The following PDILT variants were observed in gnomAD, a reference collection of about 807,000 sequenced individuals.
PDILT encodes protein disulfide isomerase like, testis expressed, also known as protein disulfide-isomerase-like protein of the testis.
PDILT carries 43 observed loss-of-function variants against 53.7 expected under a neutral mutation model. That is an observed-to-expected ratio of 0.80 (90% CI 0.63 to 1.03). The LOEUF (loss-of-function observed/expected upper bound fraction) is 1.03, where lower values mean the gene tolerates loss of function less well. Ranked by LOEUF, PDILT falls within the 50% of genes least tolerant of loss-of-function variation. The probability of loss-of-function intolerance (pLI) is 0.00; values close to 1 mark genes in which losing one functional copy is unlikely to be tolerated. For missense variants in PDILT, 727 were observed against 712.3 expected (o/e 1.02, Z -0.24); for synonymous variants, 282 against 274.2 (o/e 1.03, Z -0.28).
At chr16:20,376,018 C>T in intron 4 of PDILT, 50 bp downstream of exon 4, 1 of 1,608,192 alleles carries the variant, frequency 6.2e-7, no homozygotes, top group Non-Finnish European at 8.5e-7. Context: ...CTCCCAGACA[C>T]AGCACTTCTC....
chr16:20,390,373 T>A (rs754964219), intron 2 of PDILT, among the ~76,000 whole-genome samples: 1 of 152,160 alleles, frequency 6.6e-6, no homozygotes, highest in Non-Finnish European at 1.5e-5. Flanking sequence ...GTATTTTTAC[T>A]CTCTGTTCCT....
chr16:20,372,671 G>C (rs2141713395), intron 7 of PDILT, 131 bp downstream of exon 7: 1 of 1,060,564 alleles, frequency 9.4e-7, no homozygotes, highest in East Asian at 2.4e-5. Flanking sequence ...TCAGAAAACT[G>C]ACAGGCAATT....
chr16:20,363,897 A>G (rs906149340), intron 9 of PDILT, among the ~76,000 whole-genome samples: 2 of 152,112 alleles, frequency 1.3e-5, no homozygotes, highest in South Asian at 2.1e-4. Flanking sequence ...CTCCAACCCA[A>G]GGGAAAGCAA....
At chr16:20,389,735 C>T (rs1966585916) in intron 2 of PDILT, among the ~76,000 whole-genome samples, 1 of 152,028 alleles carries the variant, frequency 6.6e-6, no homozygotes, top group South Asian at 2.1e-4. Flanking sequence ...AGTAGAAAAC[C>T]CCAGGTTTCC....
chr16:20,378,992 G>C lies in PDILT; in HGVS notation c.410-2791C>G, dbSNP rs367652725. Among the ~76,000 whole-genome samples, 9 of 151,384 alleles carry C rather than the reference G, an allele frequency of 5.9e-5. No homozygotes were observed. The East Asian group carries it at 9.7e-4, about 16-fold the overall frequency. ...CTTATTTGTCCATTCTCTGCTAATG[G>C]GCATTTAGTTGCTCTCATTTTAGGG... On this transcript the variant is annotated intron_variant, in intron 3 of 11. Coordinates refer to ENST00000302451, the MANE Select transcript of PDILT (RefSeq NM_174924.2).
intron 7 of PDILT, among the ~76,000 whole-genome samples, chr16:20,370,681 C>T (rs539765550): frequency 3.3e-4 from 50 of 152,218 alleles, no homozygotes; most frequent in East Asian, 1.2e-3. Flanking sequence ...CTTTCCCAGA[C>T]GATTTAGGTA....
At position 20,380,393 on chromosome 16, in the gene PDILT, G is replaced by A. The variant is rs186573174; in HGVS notation, c.410-4192C>T. ...CACTCTGTTGCCCAGGCTGGAGTGC[G>A]GTGGTGTGATCTCAGTTCACTGCAA... On this transcript the variant is annotated intron_variant, in intron 3 of 11. Transcript: ENST00000302451. Among the ~76,000 whole-genome samples the A allele has an allele frequency of 2.0e-3, 310 of 151,350 alleles. 1 individual carries two copies. Among genetic ancestry groups the A allele is most frequent in the African/African-American group, 7.0e-3 (288 of 41,214 alleles).
In PDILT at chr16:20,359,503, G is replaced by GGCAC. The variant is rs1966066725; in HGVS notation, c.1567_1570dup (p.Pro524ArgfsTer10). On this transcript the variant is annotated frameshift_variant, in exon 12 of 12. Transcript: ENST00000302451. LOFTEE classifies it low-confidence loss of function (END_TRUNC). ...TTCAGGTAACCCTTTCCTCATCATA[G>GGCAC]GCACCTCCTTTTCCTCAGCTAGCAC... 6.2e-7 allele frequency: 1 copy of GGCAC among 1,613,980 alleles called. No homozygotes were observed. The highest frequency in any genetic ancestry group is 2.2e-5 in the East Asian group (1 of 44,876).
At chr16:20,371,263 G>A (rs963015912) in intron 7 of PDILT, among the ~76,000 whole-genome samples, 2 of 152,138 alleles carry the variant, frequency 1.3e-5, no homozygotes, top group Admixed American at 1.3e-4. Context: ...ACTGAAGGAT[G>A]GTAAGCTAGA....
Position 20,359,450 on chromosome 16 carries a change from T to C in PDILT, c.1624A>G (p.Thr542Ala), listed in dbSNP as rs1297348119. 2.5e-6 allele frequency: 4 copies of C among 1,614,080 alleles called. No homozygotes were observed. Among genetic ancestry groups the C allele is most frequent in the African/African-American group, 1.3e-5 (1 of 74,930 alleles). The change falls in exon 12 of 12, where the codon ACC becomes GCC. Residue 542 changes from threonine to alanine, a missense_variant. By Grantham distance (58) the Thr-to-Ala change is moderately conservative. Coordinates refer to ENST00000302451, the MANE Select transcript of PDILT (RefSeq NM_174924.2). ...TCTTCCAGCTTGGATACGTACTTGG[T>C]CATGTTCTCCAGCTCAGGCGACTGC... ...EQQSPELENM[T>A]KYVSKLEEPA... is the part of the protein sequence containing the mutation.
chr16:20,392,510 G>T (rs1009658733), intron 2 of PDILT, among the ~76,000 whole-genome samples: 1 of 152,122 alleles, frequency 6.6e-6, no homozygotes, highest in Admixed American at 6.5e-5. Context: ...TTTGCAAAGA[G>T]CCCATTTACC....
At chr16:20,384,954 G>T in intron 2 of PDILT, 103 bp from the exon 3 acceptor site, 1 of 1,116,980 alleles carries the variant, frequency 9.0e-7, no homozygotes, top group South Asian at 1.3e-5. Context: ...CCTTTCTTGT[G>T]CTCAGCGGTT....
chr16:20,381,975 T>C (rs962509859), intron 3 of PDILT, among the ~76,000 whole-genome samples: 1 of 152,318 alleles, frequency 6.6e-6, no homozygotes, highest in African/African-American at 2.4e-5. Flanking sequence ...CATGGCTCAC[T>C]GCAGTCACAA....
intron 2 of PDILT, among the ~76,000 whole-genome samples, chr16:20,391,766 G>A (rs1238493208): frequency 1.3e-5 from 2 of 152,120 alleles, no homozygotes; most frequent in South Asian, 2.1e-4. Flanking sequence ...TGCTGAGAGA[G>A]AGAGGTTAAA....
chr16:20,374,271 G>T (rs1011173536), intron 5 of PDILT, among the ~76,000 whole-genome samples: 5 of 152,032 alleles, frequency 3.3e-5, no homozygotes, highest in African/African-American at 1.2e-4. Context: ...AAATCAGTAG[G>T]GTTGTGGTGA....
chr16:20,397,209 C>T (rs1010877405), intron 2 of PDILT, among the ~76,000 whole-genome samples: 1 of 152,080 alleles, frequency 6.6e-6, no homozygotes, highest in African/African-American at 2.4e-5. Context: ...GATCACGGGT[C>T]GCTGCAGTCT....
rs763226668 is a variant in PDILT, at chr16:20,360,663, A to G, written c.1417-6T>C. ...TCTCCCTTATACAGGACAGCCTAGG[A>G]TGAAAATGGAACAGGGTCAGGATGG... On this transcript the variant is annotated splice_polypyrimidine_tract_variant and splice_region_variant and intron_variant, in intron 10 of 11. Coordinates refer to ENST00000302451, the MANE Select transcript of PDILT (RefSeq NM_174924.2). 2 of 1,602,872 alleles carry G rather than the reference A, an allele frequency of 1.2e-6. No individual in the cohort carries two copies. The highest frequency in any genetic ancestry group is 2.2e-5 in the South Asian group (2 of 90,848).
At chr16:20,369,401 T>C (rs1966266701) in intron 8 of PDILT, 91 bp downstream of exon 8, 3 of 1,374,254 alleles carry the variant, frequency 2.2e-6, no homozygotes, top group Admixed American at 3.5e-5. Flanking sequence ...TGCCTCCACA[T>C]ACAGGTGAGG....
At position 20,386,619 on chromosome 16, in the gene PDILT, G is replaced by C. The variant is rs1016979455; in HGVS notation, c.203-1768C>G. On this transcript the variant is annotated intron_variant, in intron 2 of 11. Transcript: ENST00000302451. ...GAATGATCGCTTTCATTAAACTCCC[G>C]GTCAATGGACCGGAAGCGGGGACTT... 2.6e-5 allele frequency among the ~76,000 whole-genome samples: 4 copies of C among 152,166 alleles called. No homozygotes were observed. In the East Asian group the frequency reaches 5.8e-4, roughly 22 times the overall value.
Sources: gnomAD v4.1 joint callset for allele counts (sites outside exome capture counted in the v4.1 genomes callset) on GRCh38, gnomAD v4.1.1 for gene constraint, MANE v1.5 for transcripts, NCBI Gene and HGNC (gene_info 2026-07-23, HGNC 2026-07-21) for gene names.